Variants in SMG6 observed in about 807,000 individuals in gnomAD.
SMG6 encodes the protein SMG6 nonsense mediated mRNA decay factor.
A neutral mutation model predicts 142.2 loss-of-function variants in SMG6; 66 were observed. That is an observed-to-expected ratio of 0.46 (90% CI 0.38 to 0.57). The LOEUF (loss-of-function observed/expected upper bound fraction) is 0.57. Ranked by LOEUF, SMG6 falls within the 20% of genes least tolerant of loss-of-function variation. The probability of loss-of-function intolerance (pLI) is 0.00; values close to 1 mark genes in which losing one functional copy is unlikely to be tolerated. For synonymous variants in SMG6, 779 were observed against 702.4 expected (o/e 1.11, Z -1.72); for missense variants, 1,793 against 1,832.0 (o/e 0.98, Z 0.39).
intron 2 of SMG6, 99 bp from the exon 3 acceptor site, chr17:2,298,154 G>T (rs2075185602): frequency 8.9e-7 from 1 of 1,127,680 alleles, no homozygotes; most frequent in Non-Finnish European, 1.2e-6. Context: ...TCCCCTGGCA[G>T]GAAATAAAAA....
At chr17:2,171,350 T>C (rs952410307) in intron 13 of SMG6, among the ~76,000 whole-genome samples, 1 of 68,298 alleles carries the variant, frequency 1.5e-5, no homozygotes, top group African/African-American at 8.4e-5. Context: ...TTATTGAAAA[T>C]GAAAGAGTGT....
At chr17:2,232,341 G>A (rs2073521510) in intron 10 of SMG6, among the ~76,000 whole-genome samples, 1 of 152,220 alleles carries the variant, frequency 6.6e-6, no homozygotes, top group South Asian at 2.1e-4. Context: ...TAAATACGGA[G>A]GCACGTGGAG....
intron 4 of SMG6, among the ~76,000 whole-genome samples, chr17:2,294,705 AC>A (rs1303230856): frequency 1.3e-5 from 2 of 151,872 alleles, no homozygotes; most frequent in African/African-American, 4.8e-5. Flanking sequence ...TACAGTATAC[AC>A]CCCCAACATC....
intron 8 of SMG6, among the ~76,000 whole-genome samples, chr17:2,261,864 T>C (rs895211633): frequency 1.3e-5 from 2 of 152,224 alleles, no homozygotes; most frequent in South Asian, 2.1e-4. Flanking sequence ...TTTTGACATA[T>C]GTCACTTGCA....
chr17:2,171,459 G>C (rs1256061052), intron 13 of SMG6, among the ~76,000 whole-genome samples: 2 of 151,682 alleles, frequency 1.3e-5, no homozygotes, highest in Non-Finnish European at 2.9e-5. Context: ...AAGGATTACG[G>C]ATAATTTTTC....
Position 2,081,796 on chromosome 17 carries a change from C to T in SMG6, c.3681+14G>A. The T allele has an allele frequency of 6.2e-7, 1 of 1,612,220 alleles. No homozygotes were observed. The highest frequency in any genetic ancestry group is 8.5e-7 in the Non-Finnish European group (1 of 1,180,000). On this transcript the variant is annotated intron_variant, in intron 15 of 18. Coordinates refer to ENST00000263073, the MANE Select transcript of SMG6 (RefSeq NM_017575.5). The stretch of plus-strand genomic sequence containing the variant: ...CCCCCATAGTGGGAACCACGCTCCC[C>T]AGGCCGACTTCACCTGGATCTTTTC...
At chr17:2,251,269 A>T (rs76964594) in intron 8 of SMG6, among the ~76,000 whole-genome samples, 4 of 141,166 alleles carry the variant, frequency 2.8e-5, no homozygotes, top group African/African-American at 7.7e-5. Context: ...TATACAGATT[A>T]AAAAAAAAAA....
intron 10 of SMG6, 39 bp from the exon 11 acceptor site, chr17:2,188,554 G>A: frequency 6.4e-7 from 1 of 1,569,840 alleles, no homozygotes; most frequent in Non-Finnish European, 8.8e-7. Context: ...GCCCCAGGCG[G>A]ACAAGATGCA....
chr17:2,190,217 A>T (rs7213715), intron 10 of SMG6, among the ~76,000 whole-genome samples: 51,934 of 151,996 alleles, frequency 0.34, 9,390 homozygotes, highest in African/African-American at 0.46. Flanking sequence ...GCCTCTAACT[A>T]GCAACAGAGC....
chr17:2,142,486 GTCTA>G (rs1258365081), intron 13 of SMG6, among the ~76,000 whole-genome samples: 25 of 151,150 alleles, frequency 1.7e-4, no homozygotes, highest in African/African-American at 6.1e-4. Context: ...CTGTCTGTCT[GTCTA>G]TCTATCTATG....
chr17:2,218,404 C>T (rs1277510131), intron 10 of SMG6, among the ~76,000 whole-genome samples: 3 of 152,068 alleles, frequency 2.0e-5, no homozygotes, highest in Non-Finnish European at 4.4e-5. Context: ...AAAAAATTAG[C>T]CGGACACGGT....
chr17:2,217,782 G>A (rs1258970427), intron 10 of SMG6, among the ~76,000 whole-genome samples: 1 of 151,960 alleles, frequency 6.6e-6, no homozygotes, highest in Non-Finnish European at 1.5e-5. Flanking sequence ...AGGCCGAGGC[G>A]GGCAGATAAC....
At chr17:2,100,409 G>C (rs2151471724) in intron 13 of SMG6, among the ~76,000 whole-genome samples, 1 of 152,290 alleles carries the variant, frequency 6.6e-6, no homozygotes, top group Admixed American at 6.5e-5. Flanking sequence ...CTGGCCTCAA[G>C]TGATCTGCCC....
intron 13 of SMG6, among the ~76,000 whole-genome samples, chr17:2,119,439 C>T (rs1018651949): frequency 6.6e-5 from 10 of 152,172 alleles, no homozygotes; most frequent in African/African-American, 7.2e-5. Flanking sequence ...AGTGATCCGC[C>T]TGCCTCAGCC....
intron 13 of SMG6, among the ~76,000 whole-genome samples, chr17:2,119,647 G>A (rs1424964698): frequency 6.6e-6 from 1 of 151,280 alleles, no homozygotes. Context: ...TTACAGGCAT[G>A]TACCACCATG....
At chr17:2,091,500 G>A (rs1336552735) in intron 13 of SMG6, among the ~76,000 whole-genome samples, 2 of 152,120 alleles carry the variant, frequency 1.3e-5, no homozygotes, top group Non-Finnish European at 2.9e-5. Flanking sequence ...TGATAAGGGG[G>A]ACAGAGTGAG....
chr17:2,280,554 C>G, intron 8 of SMG6: 1 of 981,886 alleles, frequency 1.0e-6, no homozygotes, highest in Non-Finnish European at 1.2e-6. Flanking sequence ...TAAGCCACCG[C>G]GTCAGGCCAG....
chr17:2,216,008 C>T (rs901722075), intron 10 of SMG6: 2 of 152,292 alleles, frequency 1.3e-5, no homozygotes, highest in African/African-American at 4.8e-5. Context: ...GGGCCTTACA[C>T]CAGCTGCAGT....
At position 2,109,839 on chromosome 17, in the gene SMG6, C is replaced by T. The variant is rs577544468; in HGVS notation, c.3358-23938G>A. 1.1e-4 allele frequency among the ~76,000 whole-genome samples: 17 copies of T among 152,160 alleles called. No individual in the cohort carries two copies. In the South Asian group the frequency reaches 3.5e-3, roughly 32 times the overall value. ...AGACGCAGTGGCTCACACCTGTAGT[C>T]GCAGCACTTTGGGAGGCCAAGGTGG... On this transcript the variant is annotated intron_variant, in intron 13 of 18. Coordinates refer to ENST00000263073, the MANE Select transcript of SMG6 (RefSeq NM_017575.5).
Sources: gnomAD v4.1 joint callset for allele counts (sites outside exome capture counted in the v4.1 genomes callset) on GRCh38, gnomAD v4.1.1 for gene constraint, MANE v1.5 for transcripts, NCBI Gene and HGNC (gene_info 2026-07-23, HGNC 2026-07-21) for gene names.